SMARCA1: variants seen among roughly 807,000 people sequenced by gnomAD.
SMARCA1 encodes the protein SWI/SNF-related matrix-associated actin-dependent regulator of chromatin subfamily A member 1.
SMARCA1 carries 17 observed loss-of-function variants against 93.6 expected under a neutral mutation model. The observed-to-expected ratio is 0.18, with a 90% CI of 0.12 to 0.27. The LOEUF (loss-of-function observed/expected upper bound fraction) is 0.27, where lower values mean the gene tolerates loss of function less well. Among genes scored for constraint, SMARCA1 ranks in the 10% least tolerant of loss-of-function variants. SMARCA1 has a pLI of 1.00. For synonymous variants in SMARCA1, 271 were observed against 271.4 expected, an observed-to-expected ratio of 1.00 and a Z score of 0.01; for missense variants, 630 against 819.0, an observed-to-expected ratio of 0.77 and a Z score of 2.82.
chrX:129,494,133 A>G (rs1444533632), intron 12 of SMARCA1, among the ~76,000 whole-genome samples: 1 of 112,118 alleles, frequency 8.9e-6, no homozygotes, highest in Admixed American at 9.5e-5. Context: ...ATTTTTAAAA[A>G]CCAGAACAAT....
chrX:129,522,836 A>G (rs1404041606), intron 1 of SMARCA1, among the ~76,000 whole-genome samples: 2 of 110,973 alleles, frequency 1.8e-5, no homozygotes, highest in Non-Finnish European at 3.8e-5. Context: ...GGAGAGGGAG[A>G]GGCGGAGGCT....
At chrX:129,515,057 T>A (rs1222258261) in intron 5 of SMARCA1, among the ~76,000 whole-genome samples, 3 of 109,758 alleles carry the variant, frequency 2.7e-5, no homozygotes, top group African/African-American at 1.0e-4. Context: ...TCAAAAAATT[T>A]TAAAAAAAAA....
chrX:129,458,483 T>C (rs1471243336), intron 23 of SMARCA1, among the ~76,000 whole-genome samples: 3 of 112,235 alleles, frequency 2.7e-5, no homozygotes, highest in Non-Finnish European at 5.6e-5. Flanking sequence ...TCTCTACCTT[T>C]AATAAATGAT....
chrX:129,499,564 T>C (rs1934473207), intron 10 of SMARCA1, among the ~76,000 whole-genome samples, 168 bp downstream of exon 10: 1 of 111,961 alleles, frequency 8.9e-6, no homozygotes, highest in Non-Finnish European at 1.9e-5. Flanking sequence ...TTTCAAAGGG[T>C]TAAATAAAAT....
intron 16 of SMARCA1, among the ~76,000 whole-genome samples, chrX:129,488,591 G>A (rs1021478953): frequency 2.5e-5 from 2 of 81,590 alleles, no homozygotes; most frequent in Admixed American, 1.6e-4. Flanking sequence ...CTGGGTGACA[G>A]AGCAAAACCC....
At position 129,450,907 on chromosome X, in the gene SMARCA1, A is replaced by C. The variant is rs151043367; in HGVS notation, c.3031-2464T>G. 2.4e-3 allele frequency among the ~76,000 whole-genome samples: 270 copies of C among 111,745 alleles called. 1 individual carries two copies. The highest frequency in any genetic ancestry group is 8.4e-3 in the African/African-American group (258 of 30,776). On this transcript the variant is annotated intron_variant, in intron 23 of 24. Transcript: ENST00000371121. ...TTATCTTTCCAAATAAAATCCAAAA[A>C]AAATGGCATACAACATAGGAAATGT...
intron 19 of SMARCA1, among the ~76,000 whole-genome samples, chrX:129,478,775 T>A (rs1232889904): frequency 8.9e-6 from 1 of 112,332 alleles, no homozygotes; most frequent in Non-Finnish European, 1.9e-5. Context: ...ATGATTTTTT[T>A]AATTGTTGCT....
At chrX:129,480,639 T>C in intron 19 of SMARCA1, 62 bp downstream of exon 19, 1 of 451,777 alleles carries the variant, frequency 2.2e-6, no homozygotes, top group East Asian at 5.1e-5. Context: ...CTAGTCTAGA[T>C]TAACAGATTA....
rs5977092 is a variant in SMARCA1 at position 129,493,485 on chromosome X, A to G, written c.1627-410T>C. On this transcript the variant is annotated intron_variant, in intron 12 of 24. Coordinates refer to ENST00000371121, the MANE Select transcript of SMARCA1 (RefSeq NM_001282874.2). ...TTAAAATAAATGGATGGCATGGTCA[A>G]AGTTTCAGGCAGAGAAGGTAACTAC... Among the ~76,000 whole-genome samples the G allele has an allele frequency of 5.2e-3, 579 of 111,563 alleles. 5 individuals are homozygous for G. Among genetic ancestry groups the G allele is most frequent in the African/African-American group, 0.018 (546 of 30,730 alleles).
At chrX:129,516,217 T>C (rs923898793) in intron 3 of SMARCA1, 114 bp downstream of exon 3, 15 of 721,120 alleles carry the variant, frequency 2.1e-5, no homozygotes, top group Non-Finnish European at 3.1e-5. Context: ...TTTTGTCACA[T>C]GAAGGTATAC....
intron 23 of SMARCA1, among the ~76,000 whole-genome samples, chrX:129,450,626 T>A (rs1276555152): frequency 2.7e-5 from 3 of 111,857 alleles, no homozygotes; most frequent in African/African-American, 9.7e-5. Flanking sequence ...GGGAACTAAC[T>A]AAAATTTTGG....
chrX:129,522,454 G>A, intron 1 of SMARCA1, among the ~76,000 whole-genome samples: 1 of 106,155 alleles, frequency 9.4e-6, no homozygotes, highest in Non-Finnish European at 1.9e-5. Context: ...ACCGTCGGGG[G>A]CGGGGCAGAA....
At chrX:129,512,345 G>A (rs1350102826) in intron 5 of SMARCA1, among the ~76,000 whole-genome samples, 1 of 111,574 alleles carries the variant, frequency 9.0e-6, no homozygotes, top group African/African-American at 3.3e-5. Context: ...ATAAAGACCC[G>A]CTTCCTTTGC....
intron 5 of SMARCA1, among the ~76,000 whole-genome samples, chrX:129,514,099 G>A (rs906422392): frequency 1.3e-4 from 15 of 112,663 alleles, no homozygotes; most frequent in African/African-American, 3.9e-4. Flanking sequence ...AGGCCAAGGC[G>A]GGAGGATCAC....
At chrX:129,471,084 C>T (rs1338683262) in intron 20 of SMARCA1, 120 bp downstream of exon 20, 8 of 470,813 alleles carry the variant, frequency 1.7e-5, no homozygotes, top group Non-Finnish European at 2.7e-5. Flanking sequence ...ACAAAATAGC[C>T]CTGAGTTTTG....
At chrX:129,496,729 A>C (rs377397499) in intron 12 of SMARCA1, 21 bp downstream of exon 12, 31 of 1,191,327 alleles carry the variant, frequency 2.6e-5, no homozygotes, top group Non-Finnish European at 3.5e-5. Flanking sequence ...CTGAAATCTT[A>C]TTTTATTTTC....
At position 129,449,040 on chromosome X, in the gene SMARCA1, G is replaced by A. The variant is rs529195893; in HGVS notation, c.3031-597C>T. On this transcript the variant is annotated intron_variant, in intron 23 of 24. Coordinates refer to ENST00000371121, the MANE Select transcript of SMARCA1 (RefSeq NM_001282874.2). Reference sequence around the variant, plus strand: ...TCTGAACAAGCTCTATAGATTACACGAATGTCAATTTCCTGGTTGTGATAT... The same window carrying A: ...TCTGAACAAGCTCTATAGATTACACAAATGTCAATTTCCTGGTTGTGATAT... Among the ~76,000 whole-genome samples the A allele has an allele frequency of 5.2e-4, 57 of 110,500 alleles. 1 individual carries two copies. The highest frequency in any genetic ancestry group is 9.3e-3 in the Middle Eastern group (2 of 216).
intron 6 of SMARCA1, among the ~76,000 whole-genome samples, chrX:129,508,414 G>A (rs762977325): frequency 1.8e-5 from 2 of 112,273 alleles, no homozygotes; most frequent in Admixed American, 1.9e-4. Context: ...TTCATATCAT[G>A]GGGCATCCAA....
At position 129,496,249 on chromosome X, in the gene SMARCA1, T is replaced by G. The variant is rs142260599; in HGVS notation, c.1626+501A>C. 2.7e-3 allele frequency among the ~76,000 whole-genome samples: 287 copies of G among 104,858 alleles called. 1 individual carries two copies. Among genetic ancestry groups the G allele is most frequent in the African/African-American group, 9.6e-3 (275 of 28,545 alleles). The allele number at this position is 104,858 out of a possible 115,157, so 91.1% of individuals were successfully genotyped here. On this transcript the variant is annotated intron_variant, in intron 12 of 24. Coordinates refer to ENST00000371121, the MANE Select transcript of SMARCA1 (RefSeq NM_001282874.2). ...TAAATTCATGATAAATACCTATACC[T>G]ATTTTGTCACATTTAGTTTTTACAA... is the stretch of plus-strand genomic sequence containing the variant.
Sources: gnomAD v4.1 joint callset for allele counts (sites outside exome capture counted in the v4.1 genomes callset) on GRCh38, gnomAD v4.1.1 for gene constraint, MANE v1.5 for transcripts, NCBI Gene and HGNC (gene_info 2026-07-23, HGNC 2026-07-21) for gene names.